Variants in ITGA1 observed in about 807,000 individuals in gnomAD.
ITGA1 encodes the protein integrin alpha-1.
Under a neutral mutation model 145.9 loss-of-function variants are expected in ITGA1, and 85 were observed. That is an observed-to-expected ratio of 0.58 (90% CI 0.49 to 0.70). The LOEUF (loss-of-function observed/expected upper bound fraction) is 0.70, where lower values mean the gene tolerates loss of function less well. Ranked by LOEUF, ITGA1 falls within the 30% of genes least tolerant of loss-of-function variation. ITGA1 has a pLI of 0.00. For synonymous variants in ITGA1, 520 were observed against 495.3 expected (o/e 1.05, Z -0.66); for missense variants, 1,351 against 1,418.7 (o/e 0.95, Z 0.77).
At position 52,939,905 on chromosome 5, in the gene ITGA1, C is replaced by A. The variant is rs1490591522; in HGVS notation, c.3246C>A (p.Val1082=). 1 of 1,613,252 alleles carries A rather than the reference C, an allele frequency of 6.2e-7. No individual in the cohort carries two copies. Among genetic ancestry groups the A allele is most frequent in the South Asian group, 1.1e-5 (1 of 91,056 alleles). ...TCACTTCTTCTGACATCAGCCAAGTCAATGTTTCGCTTATCTTGTGGAAAC... is the reference window on the plus strand; with the variant it reads ...TCACTTCTTCTGACATCAGCCAAGTAAATGTTTCGCTTATCTTGTGGAAAC... The part of the protein sequence containing the change: ...CNLTSSDISQ[V]NVSLILWKPT... Residue 1082 remains valine (V), a synonymous_variant, in exon 26 of 29, where the codon GTC becomes GTA. Transcript: ENST00000282588.
In ITGA1 at chr5:52,954,448, A is replaced by T. The variant is rs1751273967; in HGVS notation, c.*1997A>T. 1 of 152,260 alleles carries T rather than the reference A, an allele frequency of 6.6e-6. No homozygotes were observed. Among genetic ancestry groups the T allele is most frequent in the Non-Finnish European group, 1.5e-5 (1 of 68,054 alleles). The allele number at this position is 152,260 out of a possible 1,614,324, so 9.4% of individuals were successfully genotyped here. Reference sequence around the variant, plus strand: ...AATTGTTAACTGAAAGGGAAAAAATAGAAATGAGGGCATTTTGAAGTTTTT... The same window carrying T: ...AATTGTTAACTGAAAGGGAAAAAATTGAAATGAGGGCATTTTGAAGTTTTT... On this transcript the variant is annotated 3_prime_UTR_variant, in exon 29 of 29. Coordinates refer to ENST00000282588, the MANE Select transcript of ITGA1 (RefSeq NM_181501.2).
At chr5:52,937,562 A>G (rs375132556) in intron 24 of ITGA1, 48 bp downstream of exon 24, 11 of 1,162,258 alleles carry the variant, frequency 9.5e-6, no homozygotes, top group East Asian at 9.4e-5. Context: ...TATCTTTTCC[A>G]CTTTATGTTT....
At chr5:52,946,036 G>A (rs1363286677) in intron 27 of ITGA1, among the ~76,000 whole-genome samples, 1 of 152,090 alleles carries the variant, frequency 6.6e-6, no homozygotes, top group African/African-American at 2.4e-5. Flanking sequence ...ATTTTATAAT[G>A]AGTTTTATTT....
At chr5:52,873,944 GA>G (rs1749825344) in intron 6 of ITGA1, among the ~76,000 whole-genome samples, 1 of 151,530 alleles carries the variant, frequency 6.6e-6, no homozygotes, top group African/African-American at 2.4e-5. Flanking sequence ...AGATATAGAA[GA>G]TAATAATATA....
chr5:52,922,503 A>G (rs2406370), intron 17 of ITGA1, among the ~76,000 whole-genome samples: 49,875 of 152,024 alleles, frequency 0.33, 10,339 homozygotes, highest in Non-Finnish European at 0.45. Context: ...GACACAGCCA[A>G]GTGTGATGTT....
rs1437752841 is a variant in ITGA1, at chr5:52,954,719, A to T, written c.*2268A>T. On this transcript the variant is annotated 3_prime_UTR_variant, in exon 29 of 29. Coordinates refer to ENST00000282588, the MANE Select transcript of ITGA1 (RefSeq NM_181501.2). ...AAAAAACAGAGTTTACAGAAAATAA[A>T]CACAAAAGCTATATCTGCAAGACAA... is the stretch of plus-strand genomic sequence containing the variant. 6.6e-6 allele frequency: 1 copy of T among 152,166 alleles called. No homozygotes were observed. Among genetic ancestry groups the T allele is most frequent in the African/African-American group, 2.4e-5 (1 of 41,450 alleles). 9.4% of individuals were successfully genotyped at this position (152,166 alleles called of 1,614,324 possible).
intron 8 of ITGA1, among the ~76,000 whole-genome samples, chr5:52,891,116 A>C (rs971522894): frequency 2.6e-5 from 4 of 152,086 alleles, no homozygotes; most frequent in Non-Finnish European, 4.4e-5. Context: ...GTTTTTTTAA[A>C]TCCATTCATC....
rs746598334 is a variant in ITGA1, at chr5:52,947,455, G to A, written c.3489G>A (p.Leu1163=). 4.0e-5 allele frequency: 64 copies of A among 1,607,212 alleles called. No homozygotes were observed. The East Asian group carries it at 1.3e-3, about 33-fold the overall frequency. The change falls in exon 28 of 29, where the codon CTG becomes CTA. Residue 1163 remains leucine (L), a synonymous_variant. Transcript: ENST00000282588. ...LLLLMLLILA[L]WKIGFFKRPL... Reference sequence around the variant, plus strand: ...TGTTAATGCTGCTCATTTTAGCACTGTGGAAGGTAAACACCAAAATTCCTT... The same window carrying A: ...TGTTAATGCTGCTCATTTTAGCACTATGGAAGGTAAACACCAAAATTCCTT...
intron 23 of ITGA1, among the ~76,000 whole-genome samples, chr5:52,936,602 G>C (rs990340957): frequency 2.6e-5 from 4 of 152,128 alleles, no homozygotes; most frequent in Non-Finnish European, 4.4e-5. Context: ...CAGTAGGAAG[G>C]GGACAACTGC....
At chr5:52,917,770 G>T (rs1373481020) in intron 15 of ITGA1, among the ~76,000 whole-genome samples, 4 of 152,166 alleles carry the variant, frequency 2.6e-5, no homozygotes, top group African/African-American at 9.7e-5. Flanking sequence ...AAATGTTAAT[G>T]ATGATTATTG....
At chr5:52,790,633 C>T (rs1050604092) in intron 1 of ITGA1, among the ~76,000 whole-genome samples, 3 of 152,208 alleles carry the variant, frequency 2.0e-5, no homozygotes, top group African/African-American at 7.2e-5. Flanking sequence ...GCTTTATCAT[C>T]ACATCTCCTT....
At chr5:52,909,155 C>A in intron 13 of ITGA1, 114 bp downstream of exon 13, 1 of 1,117,018 alleles carries the variant, frequency 9.0e-7, no homozygotes, top group Non-Finnish European at 1.3e-6. Flanking sequence ...AAGAAGCTAT[C>A]AGGATTCATT....
chr5:52,806,085 ATATT>A (rs1431699125), intron 1 of ITGA1, among the ~76,000 whole-genome samples: 1 of 152,104 alleles, frequency 6.6e-6, no homozygotes, highest in Non-Finnish European at 1.5e-5. Context: ...GGATGTCAGC[ATATT>A]TAAACTTTGT....
rs751570929 is a variant in ITGA1, at chr5:52,800,915, A to C, written c.61+12501A>C. ...AACATCCCTAGGAAAAGGAAAGGCA[A>C]TTGCTCTCAGCATGACCGGGCCTTG... is the stretch of plus-strand genomic sequence containing the variant. On this transcript the variant is annotated intron_variant, in intron 1 of 28. Transcript: ENST00000282588. The C allele has an allele frequency of 1.9e-6, 3 of 1,613,924 alleles. No homozygotes were observed. In the East Asian group the frequency reaches 6.7e-5, roughly 36 times the overall value.
rs112233260 is a variant in ITGA1 at position 52,931,880 on chromosome 5, A to G, written c.2772-167A>G. The G allele has an allele frequency of 8.8e-4, 438 of 498,276 alleles. 6 individuals are homozygous for G. Among genetic ancestry groups the G allele is most frequent in the Middle Eastern group, 3.1e-3 (6 of 1,924 alleles). 30.9% of individuals were successfully genotyped at this position (498,276 alleles called of 1,614,324 possible). On this transcript the variant is annotated intron_variant, in intron 21 of 28. Transcript: ENST00000282588. ...AACTTGGGAACTTTCAACCATACCA[A>G]TCATCTCTGATCTCCTTCTTCACCC...
chr5:52,877,145 T>C (rs1008928798), intron 6 of ITGA1, among the ~76,000 whole-genome samples: 3 of 152,220 alleles, frequency 2.0e-5, no homozygotes, highest in Non-Finnish European at 4.4e-5. Flanking sequence ...TTAAAGTATA[T>C]TTCGAAGTCA....
chr5:52,834,585 G>GAGAGAAGAAAGAAAGAA lies in ITGA1; in HGVS notation c.62-14775_62-14774insAGAAAGAAAGAAAGAGA, dbSNP rs1554042413. Among the ~76,000 whole-genome samples the GAGAGAAGAAAGAAAGAA allele has an allele frequency of 2.9e-4, 41 of 141,532 alleles. 1 individual carries two copies. Among genetic ancestry groups the GAGAGAAGAAAGAAAGAA allele is most frequent in the Non-Finnish European group, 3.9e-4 (26 of 67,450 alleles). 92.9% of individuals were successfully genotyped at this position (141,532 alleles called of 152,430 possible). ...GAGAAAGAGAGAAGAAAGAAAGAAAGAGAGAGAGAGAAGAAAGAGAGAGAA... is the reference window on the plus strand; with the variant it reads ...GAGAAAGAGAGAAGAAAGAAAGAAAGAGAGAAGAAAGAAAGAAAGAGAGAGAGAAGAAAGAGAGAGAA... On this transcript the variant is annotated intron_variant, in intron 1 of 28. Coordinates refer to ENST00000282588, the MANE Select transcript of ITGA1 (RefSeq NM_181501.2).
At chr5:52,833,717 G>C (rs1370461347) in intron 1 of ITGA1, among the ~76,000 whole-genome samples, 1 of 152,028 alleles carries the variant, frequency 6.6e-6, no homozygotes, top group African/African-American at 2.4e-5. Flanking sequence ...GTCTATTTAG[G>C]TGTAATATTT....
chr5:52,886,947 T>G (rs1429609992), intron 7 of ITGA1, among the ~76,000 whole-genome samples: 1 of 152,096 alleles, frequency 6.6e-6, no homozygotes, highest in Non-Finnish European at 1.5e-5. Flanking sequence ...CCCGGCTAAT[T>G]TTTTGTATTT....
Sources: gnomAD v4.1 joint callset for allele counts (sites outside exome capture counted in the v4.1 genomes callset) on GRCh38, gnomAD v4.1.1 for gene constraint, MANE v1.5 for transcripts, NCBI Gene and HGNC (gene_info 2026-07-23, HGNC 2026-07-21) for gene names.